DHX9: variants seen among roughly 807,000 people sequenced by gnomAD.
DHX9 encodes ATP-dependent RNA helicase A.
Under a neutral mutation model 148.7 loss-of-function variants are expected in DHX9, and 27 were observed. The ratio of observed to expected loss-of-function variants is 0.18; its 90% CI spans 0.13 to 0.25. The LOEUF is 0.25. DHX9 is among the 10% of genes least tolerant of loss of function. The pLI, the probability that DHX9 is intolerant of heterozygous loss-of-function variation, is 1.00. For synonymous variants in DHX9, 529 were observed against 516.6 expected, an observed-to-expected ratio of 1.02 and a Z score of -0.33; for missense variants, 796 against 1,559.6, an observed-to-expected ratio of 0.51 and a Z score of 8.25.
intron 27 of DHX9, among the ~76,000 whole-genome samples, chr1:182,886,812 T>C (rs190011828): frequency 2.4e-4 from 36 of 152,358 alleles, no homozygotes; most frequent in African/African-American, 8.7e-4. Context: ...ACTTATGTTA[T>C]TGAACTGAGT....
chr1:182,886,184 A>AATTTATTT (rs144933520), intron 27 of DHX9, among the ~76,000 whole-genome samples: 47 of 149,646 alleles, frequency 3.1e-4, no homozygotes, highest in South Asian at 2.5e-3. Flanking sequence ...TTTTTTTTTA[A>AATTTATTT]ATTTATTTAT....
intron 12 of DHX9, among the ~76,000 whole-genome samples, chr1:182,863,865 A>G (rs985095359): frequency 6.6e-6 from 1 of 152,138 alleles, no homozygotes. Context: ...TAAGAATAGA[A>G]TAATTTTTTA....
chr1:182,867,338 G>C (rs1648340124), intron 14 of DHX9, among the ~76,000 whole-genome samples: 2 of 152,232 alleles, frequency 1.3e-5, no homozygotes, highest in South Asian at 4.1e-4. Flanking sequence ...TGACTAAATA[G>C]CTGATGGAAT....
intron 18 of DHX9, 76 bp from the exon 19 acceptor site, chr1:182,876,754 A>G (rs925003863): frequency 9.5e-7 from 1 of 1,056,324 alleles, no homozygotes; most frequent in Non-Finnish European, 1.4e-6. Flanking sequence ...GTCATTTGTT[A>G]CATACATAAG....
At chr1:182,861,386 C>T (rs144622690) in intron 12 of DHX9, among the ~76,000 whole-genome samples, 4,893 of 152,294 alleles carry the variant, frequency 0.032, 88 homozygotes, top group Admixed American at 0.052. Flanking sequence ...GCTGCAGCCC[C>T]AGATGTCATC....
chr1:182,882,982 C>A (rs1395607878), intron 24 of DHX9, among the ~76,000 whole-genome samples, 157 bp from the exon 25 acceptor site: 1 of 149,986 alleles, frequency 6.7e-6, no homozygotes, highest in Non-Finnish European at 1.5e-5. Context: ...TGAACTTAAT[C>A]TGGGTGTAAG....
intron 13 of DHX9, 46 bp from the exon 14 acceptor site, chr1:182,866,915 C>T: frequency 1.4e-6 from 2 of 1,427,584 alleles, no homozygotes; most frequent in East Asian, 4.7e-5. Flanking sequence ...CATAGATTTA[C>T]TACTTTGAAC....
chr1:182,876,438 G>T lies in DHX9; in HGVS notation c.2030-9G>T. ...TTTTAGTCCCTGATTGTTCTTTATT[G>T]TTATATAGGAAGCCATCGGTATCAG... On this transcript the variant is annotated splice_polypyrimidine_tract_variant and intron_variant, in intron 17 of 27. Transcript: ENST00000367549. The T allele has an allele frequency of 6.2e-7, 1 of 1,611,568 alleles. No homozygotes were observed. The highest frequency in any genetic ancestry group is 1.7e-5 in the Admixed American group (1 of 59,978).
At chr1:182,859,861 C>G in intron 11 of DHX9, 132 bp from the exon 12 acceptor site, 1 of 758,266 alleles carries the variant, frequency 1.3e-6, no homozygotes, top group Non-Finnish European at 2.1e-6. Flanking sequence ...TCCTCAGCCT[C>G]CCAAAGTGCT....
At chr1:182,856,724 T>C (rs773597664) in intron 7 of DHX9, 146 bp downstream of exon 7, 2 of 611,166 alleles carry the variant, frequency 3.3e-6, no homozygotes, top group Non-Finnish European at 5.5e-6. Flanking sequence ...TTTTAGAATA[T>C]TAGTAATTAT....
chr1:182,858,584 T>A lies in DHX9; in HGVS notation c.844T>A (p.Leu282Ile). The A allele has an allele frequency of 6.2e-7, 1 of 1,611,662 alleles. No individual in the cohort carries two copies. The highest frequency in any genetic ancestry group is 8.5e-7 in the Non-Finnish European group (1 of 1,178,414). ...TTACAAAGTAAACCTCTCTCAAGAT[T>A]TAGAGCATCAGCTGCAAAACATCAT... Reference protein sequence around the residue: ...EPYKVNLSQDLEHQLQNIIQE... With the variant: ...EPYKVNLSQDIEHQLQNIIQE... Residue 282 changes from leucine (L) to isoleucine (I), a missense_variant, in exon 9 of 28, where the codon TTA becomes ATA. Physicochemically the swap from Leu to Ile is conservative, Grantham distance 5. Coordinates refer to ENST00000367549, the MANE Select transcript of DHX9 (RefSeq NM_001357.5).
At chr1:182,868,737 A>C (rs1178093095) in intron 14 of DHX9, among the ~76,000 whole-genome samples, 2 of 151,968 alleles carry the variant, frequency 1.3e-5, no homozygotes, top group African/African-American at 4.8e-5. Flanking sequence ...GGCTGGTCTC[A>C]AACTCCTAAC....
At chr1:182,872,578 A>T in intron 15 of DHX9, 85 bp downstream of exon 15, 2 of 1,378,906 alleles carry the variant, frequency 1.5e-6, no homozygotes, top group Non-Finnish European at 2.0e-6. Context: ...GTTACAATTT[A>T]AAGAATACTT....
In DHX9 at chr1:182,883,390, T is replaced by A. The variant is rs759476728; in HGVS notation, c.3144+22T>A. 1.9e-6 allele frequency: 3 copies of A among 1,605,388 alleles called. No homozygotes were observed. The Admixed American group carries it at 5.0e-5, about 27-fold the overall frequency. On this transcript the variant is annotated intron_variant, in intron 25 of 27. Transcript: ENST00000367549. ...AAAGGTAAGAAAAGACTAGAAAAGT[T>A]TACATTGAAAGTTGAAATTGTCTTT...
intron 14 of DHX9, among the ~76,000 whole-genome samples, chr1:182,869,042 T>A (rs531558416): frequency 6.6e-6 from 1 of 152,346 alleles, no homozygotes; most frequent in South Asian, 2.1e-4. Flanking sequence ...TCTTAGGGTT[T>A]AAATTATTCC....
chr1:182,887,466 A>G lies in DHX9; in HGVS notation c.*32A>G. On this transcript the variant is annotated 3_prime_UTR_variant, in exon 28 of 28. Transcript: ENST00000367549. ...GTTATGTCAGTTCCTGTGTGTAGAC[A>G]GTAAGGAAAAAAAGGCATGCTATGT... The G allele has an allele frequency of 1.3e-6, 2 of 1,574,546 alleles. No homozygotes were observed. The highest frequency in any genetic ancestry group is 1.7e-6 in the Non-Finnish European group (2 of 1,156,266).
chr1:182,875,553 T>C (rs1256504859), intron 16 of DHX9, among the ~76,000 whole-genome samples: 1 of 152,166 alleles, frequency 6.6e-6, no homozygotes, highest in Non-Finnish European at 1.5e-5. Flanking sequence ...TAGAAATGGA[T>C]TATCTGGAAA....
At position 182,843,431 on chromosome 1, in the gene DHX9, T is replaced by G. The variant is rs200981009; in HGVS notation, c.249T>G (p.Phe83Leu). The G allele has an allele frequency of 2.5e-6, 4 of 1,598,294 alleles. No individual in the cohort carries two copies. The highest frequency in any genetic ancestry group is 2.3e-5 in the East Asian group (1 of 44,082). The change falls in exon 3 of 28, where the codon TTT (phenylalanine) becomes TTG (leucine). Residue 83 changes from phenylalanine to leucine, a missense_variant. By Grantham distance (22) the Phe-to-Leu change is conservative. Transcript: ENST00000367549. ...TAAAGAGTGAAGAAGTTCCAGCTTTTGGGGTAAGTACCTATGGCGAAGCAC... is the reference window on the plus strand; with the variant it reads ...TAAAGAGTGAAGAAGTTCCAGCTTTGGGGGTAAGTACCTATGGCGAAGCAC... ...NEIKSEEVPA[F>L]GVASPPPLTD... is the part of the protein sequence containing the mutation.
intron 3 of DHX9, among the ~76,000 whole-genome samples, chr1:182,846,342 T>C (rs949905091): frequency 2.6e-5 from 4 of 152,080 alleles, no homozygotes; most frequent in Non-Finnish European, 5.9e-5. Flanking sequence ...GTTCAAGCGA[T>C]TCTCCTGCCT....
Sources: gnomAD v4.1 joint callset for allele counts (sites outside exome capture counted in the v4.1 genomes callset) on GRCh38, gnomAD v4.1.1 for gene constraint, MANE v1.5 for transcripts, NCBI Gene and HGNC (gene_info 2026-07-23, HGNC 2026-07-21) for gene names.